Variants in NRCAM observed in about 807,000 individuals in gnomAD.
NRCAM encodes NgCAM-related cell adhesion molecule.
A neutral mutation model predicts 156.5 loss-of-function variants in NRCAM; 83 were observed. The ratio of observed to expected loss-of-function variants is 0.53; its 90% CI spans 0.44 to 0.64. NRCAM has a LOEUF of 0.64. Among genes scored for constraint, NRCAM ranks in the 30% least tolerant of loss-of-function variants. The pLI is 0.00. For missense variants in NRCAM, 1,417 were observed against 1,597.3 expected (o/e 0.89, Z 1.92); for synonymous variants, 538 against 563.9 (o/e 0.95, Z 0.65).
chr7:108,405,004 C>T (rs1042206383), intron 1 of NRCAM, among the ~76,000 whole-genome samples: 3 of 152,130 alleles, frequency 2.0e-5, no homozygotes, highest in East Asian at 3.8e-4. Flanking sequence ...ATTTTTTCCT[C>T]GTCCCCTCCG....
chr7:108,370,459 G>T (rs190257198), intron 2 of NRCAM, among the ~76,000 whole-genome samples: 32 of 152,102 alleles, frequency 2.1e-4, no homozygotes, highest in African/African-American at 7.7e-4. Context: ...AAAATAATAA[G>T]CATGGATAGC....
chr7:108,355,625 T>A (rs1347981255), intron 2 of NRCAM, among the ~76,000 whole-genome samples: 2 of 152,230 alleles, frequency 1.3e-5, no homozygotes, highest in Non-Finnish European at 2.9e-5. Context: ...AGCAACATGA[T>A]GAAACTCTGT....
intron 1 of NRCAM, among the ~76,000 whole-genome samples, chr7:108,409,522 T>G (rs1008286703): frequency 6.6e-6 from 1 of 152,170 alleles, no homozygotes; most frequent in Non-Finnish European, 1.5e-5. Context: ...CAATTCCATT[T>G]TCACCCCGGT....
chr7:108,188,501 T>C (rs420464), intron 20 of NRCAM, among the ~76,000 whole-genome samples: 2 of 151,652 alleles, frequency 1.3e-5, no homozygotes, highest in African/African-American at 2.4e-5. Flanking sequence ...TAAGCTCCAT[T>C]ACCACAGAGA....
At chr7:108,375,885 G>A (rs1204371795) in intron 2 of NRCAM, among the ~76,000 whole-genome samples, 2 of 152,178 alleles carry the variant, frequency 1.3e-5, no homozygotes, top group Non-Finnish European at 1.5e-5. Context: ...AAGAGGAAGA[G>A]AAACATACCT....
intron 13 of NRCAM, among the ~76,000 whole-genome samples, chr7:108,203,065 AC>A (rs548477205): frequency 6.6e-6 from 1 of 151,442 alleles, no homozygotes; most frequent in African/African-American, 2.4e-5. Flanking sequence ...ACTCAAAAAC[AC>A]CCCCCTCAGT....
intron 2 of NRCAM, among the ~76,000 whole-genome samples, chr7:108,338,210 CT>C (rs1316201023): frequency 1.3e-5 from 2 of 152,244 alleles, no homozygotes; most frequent in African/African-American, 4.8e-5. Flanking sequence ...GCATGCGCCC[CT>C]ATCTTTCCTT....
intron 26 of NRCAM, among the ~76,000 whole-genome samples, chr7:108,177,526 C>G (rs1029605339): frequency 5.3e-5 from 8 of 151,624 alleles, no homozygotes; most frequent in Non-Finnish European, 8.8e-5. Flanking sequence ...GGGAGGCTGA[C>G]GGAGGAGAAT....
intron 3 of NRCAM, among the ~76,000 whole-genome samples, chr7:108,255,890 C>G (rs1196960275): frequency 5.8e-5 from 5 of 86,448 alleles, no homozygotes; most frequent in Admixed American, 2.4e-4. Context: ...CGTCTCCGCC[C>G]GGCAGCCGCC....
At chr7:108,234,988 C>A in intron 5 of NRCAM, 1 of 471,396 alleles carries the variant, frequency 2.1e-6, no homozygotes, top group South Asian at 1.9e-5. Context: ...AGTTTCTTTT[C>A]TGATGTAACA....
chr7:108,413,502 C>T (rs1797904087), intron 1 of NRCAM, among the ~76,000 whole-genome samples: 1 of 152,164 alleles, frequency 6.6e-6, no homozygotes, highest in Non-Finnish European at 1.5e-5. Flanking sequence ...AAATCCTTAC[C>T]ACTATAGCCT....
At position 108,373,127 on chromosome 7, in the gene NRCAM, A is replaced by G. The variant is rs1262789480; in HGVS notation, c.-174+26309T>C. Reference sequence around the variant, plus strand: ...ATAAATACTGCATGGTTCCACTTATAGGAGGTATCTAAAATAGTCAAATTC... The same window carrying G: ...ATAAATACTGCATGGTTCCACTTATGGGAGGTATCTAAAATAGTCAAATTC... On this transcript the variant is annotated intron_variant, in intron 2 of 32. Coordinates refer to ENST00000379028, the MANE Select transcript of NRCAM (RefSeq NM_001037132.4). Among the ~76,000 whole-genome samples the G allele has an allele frequency of 2.0e-5, 3 of 152,200 alleles. No homozygotes were observed. The South Asian group carries it at 6.2e-4, about 31-fold the overall frequency.
chr7:108,411,796 G>A (rs1208404269), intron 1 of NRCAM, among the ~76,000 whole-genome samples: 1 of 152,138 alleles, frequency 6.6e-6, no homozygotes, highest in Admixed American at 6.5e-5. Context: ...CTTCCAAAGT[G>A]CTGGTATTAC....
chr7:108,329,817 A>G (rs192798072), intron 2 of NRCAM, among the ~76,000 whole-genome samples: 312 of 152,324 alleles, frequency 2.0e-3, no homozygotes, highest in Non-Finnish European at 3.0e-3. Flanking sequence ...ACTGGCTCCT[A>G]TCTCTGCACA....
At chr7:108,164,291 G>A (rs922683101) in intron 30 of NRCAM, among the ~76,000 whole-genome samples, 7 of 151,986 alleles carry the variant, frequency 4.6e-5, no homozygotes, top group African/African-American at 1.2e-4. Flanking sequence ...TCAGGACACC[G>A]CCTATCTCGT....
intron 2 of NRCAM, among the ~76,000 whole-genome samples, chr7:108,383,011 T>C (rs1313074815): frequency 2.0e-5 from 3 of 152,176 alleles, no homozygotes; most frequent in African/African-American, 7.2e-5. Flanking sequence ...CACAGTGCTG[T>C]TGTGAAAATG....
intron 7 of NRCAM, among the ~76,000 whole-genome samples, chr7:108,231,937 A>T (rs2094389915): frequency 6.6e-6 from 1 of 152,314 alleles, no homozygotes; most frequent in East Asian, 1.9e-4. Context: ...TAAAATTTTG[A>T]AACAAAAATG....
At chr7:108,172,719 G>C (rs985388211) in intron 28 of NRCAM, among the ~76,000 whole-genome samples, 2 of 152,222 alleles carry the variant, frequency 1.3e-5, no homozygotes, top group African/African-American at 4.8e-5. Context: ...TCTCGCGTAT[G>C]TAATTATCTT....
chr7:108,391,273 T>C (rs1317671477), intron 2 of NRCAM, among the ~76,000 whole-genome samples: 5 of 152,164 alleles, frequency 3.3e-5, no homozygotes, highest in Non-Finnish European at 1.5e-5. Flanking sequence ...TGGGTGCATA[T>C]ATATTTAGGA....
Sources: gnomAD v4.1 joint callset for allele counts (sites outside exome capture counted in the v4.1 genomes callset) on GRCh38, gnomAD v4.1.1 for gene constraint, MANE v1.5 for transcripts, NCBI Gene and HGNC (gene_info 2026-07-23, HGNC 2026-07-21) for gene names.